The following SLC35F4 variants were observed in gnomAD, a reference collection of about 807,000 sequenced individuals.
The protein encoded by SLC35F4 is chromosome 14 open reading frame 36.
Under a neutral mutation model 44.2 loss-of-function variants are expected in SLC35F4, and 24 were observed. The ratio of observed to expected loss-of-function variants is 0.54; its 90% CI spans 0.39 to 0.76. The LOEUF (loss-of-function observed/expected upper bound fraction) is 0.76. Ranked by LOEUF, SLC35F4 falls within the 30% of genes least tolerant of loss-of-function variation. SLC35F4 has a pLI of 0.00. For synonymous variants in SLC35F4, 238 were observed against 223.6 expected, an observed-to-expected ratio of 1.06 and a Z score of -0.57; for missense variants, 562 against 586.1, an observed-to-expected ratio of 0.96 and a Z score of 0.42.
chr14:57,655,855 C>T (rs7159375), intron 1 of SLC35F4, among the ~76,000 whole-genome samples: 22,014 of 152,134 alleles, frequency 0.14, 1,830 homozygotes, highest in East Asian at 0.29. Flanking sequence ...CCAAAATTTA[C>T]AAATGACCAT....
chr14:57,690,045 A>T (rs887139060), intron 1 of SLC35F4, among the ~76,000 whole-genome samples: 2 of 152,092 alleles, frequency 1.3e-5, no homozygotes, highest in Non-Finnish European at 2.9e-5. Flanking sequence ...TCTTTCTAGA[A>T]TGTTCTTTCA....
At chr14:57,564,924 C>T (rs567336397) in intron 7 of SLC35F4, among the ~76,000 whole-genome samples, 1 of 152,292 alleles carries the variant, frequency 6.6e-6, no homozygotes, top group African/African-American at 2.4e-5. Context: ...CAGCCCTTAG[C>T]AACCACCAAT....
intron 7 of SLC35F4, among the ~76,000 whole-genome samples, chr14:57,564,848 A>G (rs1287229727): frequency 2.0e-5 from 3 of 152,124 alleles, no homozygotes; most frequent in African/African-American, 7.2e-5. Context: ...TGGTCCCCAG[A>G]TATCTCCATC....
intron 2 of SLC35F4, among the ~76,000 whole-genome samples, chr14:57,591,823 C>A (rs1463217669): frequency 1.3e-5 from 2 of 152,158 alleles, no homozygotes; most frequent in Non-Finnish European, 2.9e-5. Flanking sequence ...CTCATGATTC[C>A]CAGGGACTAC....
In SLC35F4 at chr14:57,796,501, A is replaced by T. The variant is rs556882090; in HGVS notation, c.103+69222T>A. Among the ~76,000 whole-genome samples the T allele has an allele frequency of 9.8e-5, 15 of 152,360 alleles. No individual in the cohort carries two copies. The South Asian group carries it at 2.9e-3, about 29-fold the overall frequency. ...AATTGTATTTTCAGGTAACAGGAAG[A>T]TAACATATTTCTGCTTGTGCAACTT... On this transcript the variant is annotated intron_variant, in intron 1 of 7. Transcript: ENST00000556826.
At position 57,794,135 on chromosome 14, in the gene SLC35F4, G is replaced by A. The variant is rs151240975; in HGVS notation, c.103+71588C>T. 7.2e-5 allele frequency among the ~76,000 whole-genome samples: 11 copies of A among 152,146 alleles called. No individual in the cohort carries two copies. The East Asian group carries it at 1.5e-3, about 21-fold the overall frequency. On this transcript the variant is annotated intron_variant, in intron 1 of 7. Transcript: ENST00000556826. ...AAGAAAACCTAGGGAAAACTCTTCT[G>A]GACATTGGCATAGGCAAAGAAGTTA...
rs1477042998 is a variant in SLC35F4 at position 57,569,932 on chromosome 14, G to A, written c.982C>T (p.His328Tyr). 8.1e-6 allele frequency: 13 copies of A among 1,612,014 alleles called. No individual in the cohort carries two copies. Among genetic ancestry groups the A allele is most frequent in the Admixed American group, 1.7e-5 (1 of 59,684 alleles). ...AAGAAACCCAAGGTGGAGACAAAGT[G>A]TGCAGCTTCCCCAAAGTTGGCACTT... ...LGSANFGEAA[H>Y]FVSTLGFFNL... The change falls in exon 6 of 8, where the codon CAC (histidine) becomes TAC (tyrosine). Residue 328 changes from histidine to tyrosine, a missense_variant. By Grantham distance (83) the His-to-Tyr change is moderately conservative. Transcript: ENST00000556826.
At chr14:57,570,035 G>T (rs530869556) in intron 5 of SLC35F4, 55 bp from the exon 6 acceptor site, 2 of 1,490,732 alleles carry the variant, frequency 1.3e-6, no homozygotes, top group Non-Finnish European at 8.9e-7. Flanking sequence ...GAGCAGAAAC[G>T]TAAGTCTTAC....
chr14:57,886,017 T>C (rs1276267131), intron 1 of SLC35F4, among the ~76,000 whole-genome samples: 1 of 152,220 alleles, frequency 6.6e-6, no homozygotes, highest in African/African-American at 2.4e-5. Flanking sequence ...TATTGCAGAC[T>C]GAATGACTAT....
At chr14:57,776,651 G>C (rs1216429343) in intron 1 of SLC35F4, among the ~76,000 whole-genome samples, 3 of 109,944 alleles carry the variant, frequency 2.7e-5, no homozygotes, top group African/African-American at 3.8e-5. Flanking sequence ...GGGCAGCAGA[G>C]CAAGACTCCA....
intron 1 of SLC35F4, among the ~76,000 whole-genome samples, chr14:57,872,097 G>A (rs945554530): frequency 1.3e-5 from 2 of 152,174 alleles, no homozygotes; most frequent in African/African-American, 2.4e-5. Flanking sequence ...TCGTTAGAAT[G>A]CATCCATAAA....
At chr14:57,856,819 G>A (rs961923081) in intron 1 of SLC35F4, among the ~76,000 whole-genome samples, 1 of 152,010 alleles carries the variant, frequency 6.6e-6, no homozygotes, top group Non-Finnish European at 1.5e-5. Context: ...ACTAGTAATA[G>A]AGAATTTCAT....
chr14:57,816,962 TA>T (rs1160197091), intron 1 of SLC35F4, among the ~76,000 whole-genome samples: 1 of 152,204 alleles, frequency 6.6e-6, no homozygotes, highest in Non-Finnish European at 1.5e-5. Flanking sequence ...AACTACCTCC[TA>T]AGTGCAAGCC....
chr14:57,797,186 A>G (rs2078072914), intron 1 of SLC35F4, among the ~76,000 whole-genome samples: 1 of 152,190 alleles, frequency 6.6e-6, no homozygotes, highest in South Asian at 2.1e-4. Flanking sequence ...AATCTTATCC[A>G]TAGTCTAGCA....
intron 1 of SLC35F4, among the ~76,000 whole-genome samples, chr14:57,794,288 C>T (rs928777737): frequency 6.6e-6 from 1 of 152,058 alleles, no homozygotes; most frequent in Non-Finnish European, 1.5e-5. Flanking sequence ...AAAATATCTG[C>T]AAACTATACA....
chr14:57,640,181 T>G (rs1422111772), intron 1 of SLC35F4, among the ~76,000 whole-genome samples: 1 of 152,040 alleles, frequency 6.6e-6, no homozygotes, highest in Non-Finnish European at 1.5e-5. Context: ...TGTAATGTGC[T>G]GTAAATGTTC....
chr14:57,809,629 T>C (rs1281130952), intron 1 of SLC35F4, among the ~76,000 whole-genome samples: 2 of 152,258 alleles, frequency 1.3e-5, no homozygotes, highest in East Asian at 1.9e-4. Context: ...TACAGCACTT[T>C]ATTCTAATTA....
chr14:57,632,630 A>C (rs1183464891), intron 1 of SLC35F4, among the ~76,000 whole-genome samples: 1 of 152,136 alleles, frequency 6.6e-6, no homozygotes. Flanking sequence ...ACAACTGATG[A>C]ACCTACATGA....
intron 1 of SLC35F4, among the ~76,000 whole-genome samples, chr14:57,922,570 C>T (rs1276764089): frequency 6.6e-6 from 1 of 152,162 alleles, no homozygotes; most frequent in African/African-American, 2.4e-5. Flanking sequence ...GAAAGAAATG[C>T]TATAACTTTT....
Sources: allele counts gnomAD v4.1 joint callset (sites outside exome capture counted in the v4.1 genomes callset), GRCh38; gene constraint gnomAD v4.1.1; transcripts MANE v1.5; gene names NCBI Gene and HGNC (gene_info 2026-07-23, HGNC 2026-07-21).